Variants in WDR17 observed in about 807,000 individuals in gnomAD.
WDR17 encodes the protein WD repeat-containing protein 17.
WDR17 carries 143 observed loss-of-function variants against 161.7 expected under a neutral mutation model. The ratio of observed to expected loss-of-function variants is 0.88; its 90% CI spans 0.77 to 1.02. The LOEUF is 1.02. WDR17 is among the 50% of genes least tolerant of loss of function. WDR17 has a pLI of 0.00. For missense variants in WDR17, 1,469 were observed against 1,520.9 expected (o/e 0.97, Z 0.57); for synonymous variants, 517 against 515.6 (o/e 1.00, Z -0.04).
chr4:176,128,827 T>C lies in WDR17; in HGVS notation c.880T>C (p.Leu294=). 1 of 1,592,686 alleles carries C rather than the reference T, an allele frequency of 6.3e-7. No individual in the cohort carries two copies. Among genetic ancestry groups the C allele is most frequent in the Non-Finnish European group, 8.5e-7 (1 of 1,171,858 alleles). ...ATTAAAGAAAACAGGATTTCACTGC[T>C]TACATGTACTTAATTCTCCTCCAAG... ...LKLKKTGFHC[L]HVLNSPPRKK... The change falls in exon 6 of 29, where the codon TTA becomes CTA. Residue 294 remains leucine (L), a synonymous_variant. Transcript: ENST00000508596.
chr4:176,100,994 T>C (rs748046508), intron 1 of WDR17, among the ~76,000 whole-genome samples: 2 of 152,192 alleles, frequency 1.3e-5, no homozygotes, highest in Admixed American at 1.3e-4. Flanking sequence ...CATAGTCTTG[T>C]AATATAATTT....
intron 1 of WDR17, among the ~76,000 whole-genome samples, chr4:176,101,632 A>G (rs1278743817): frequency 1.3e-5 from 2 of 152,192 alleles, no homozygotes; most frequent in African/African-American, 4.8e-5. Context: ...GACTTACTAT[A>G]TAGCTCCAAT....
At chr4:176,098,931 A>C (rs1048714934) in intron 1 of WDR17, among the ~76,000 whole-genome samples, 3 of 152,038 alleles carry the variant, frequency 2.0e-5, no homozygotes, top group Non-Finnish European at 4.4e-5. Flanking sequence ...AAGACCTGTA[A>C]AAGCTATTTA....
intron 1 of WDR17, among the ~76,000 whole-genome samples, chr4:176,075,832 A>G (rs1264332826): frequency 6.6e-6 from 1 of 151,910 alleles, no homozygotes; most frequent in Non-Finnish European, 1.5e-5. Flanking sequence ...AAAAGAAATT[A>G]GCCAGGAGTG....
chr4:176,111,391 TTGA>T, intron 1 of WDR17, 181 bp from the exon 2 acceptor site: 1 of 440,198 alleles, frequency 2.3e-6, no homozygotes, highest in Non-Finnish European at 3.7e-6. Flanking sequence ...ATTAGTTGCC[TTGA>T]TGTCTGCAGA....
At chr4:176,122,867 G>A (rs1250611746) in intron 4 of WDR17, among the ~76,000 whole-genome samples, 2 of 152,110 alleles carry the variant, frequency 1.3e-5, no homozygotes, top group African/African-American at 4.8e-5. Context: ...TGCTTTCTAT[G>A]TTTGTATACT....
At chr4:176,106,023 G>A (rs899096931) in intron 1 of WDR17, among the ~76,000 whole-genome samples, 4 of 151,900 alleles carry the variant, frequency 2.6e-5, no homozygotes, top group African/African-American at 7.2e-5. Context: ...AATTAAAAAC[G>A]TTATAAGATA....
At chr4:176,166,760 T>A (rs1468755032) in intron 22 of WDR17, among the ~76,000 whole-genome samples, 1 of 152,156 alleles carries the variant, frequency 6.6e-6, no homozygotes, top group African/African-American at 2.4e-5. Flanking sequence ...ACACATGACA[T>A]CATTCATGCA....
chr4:176,127,459 C>T (rs143529893), intron 5 of WDR17, among the ~76,000 whole-genome samples: 2,807 of 151,978 alleles, frequency 0.018, 53 homozygotes, highest in Non-Finnish European at 0.026. Flanking sequence ...CCATACCTGG[C>T]TAATTTTTCT....
chr4:176,089,126 C>A (rs1463633894), intron 1 of WDR17, among the ~76,000 whole-genome samples: 1 of 151,954 alleles, frequency 6.6e-6, no homozygotes, highest in African/African-American at 2.4e-5. Context: ...TATGTAATTT[C>A]TTTTTATTTA....
At chr4:176,135,441 G>A in intron 8 of WDR17, 165 bp downstream of exon 8, 3 of 753,578 alleles carry the variant, frequency 4.0e-6, no homozygotes, top group Non-Finnish European at 6.3e-6. Context: ...GGTTTAAGAA[G>A]AGTCTATCTG....
At position 176,159,991 on chromosome 4, in the gene WDR17, T is replaced by C. The variant is rs1178264641; in HGVS notation, c.2526-3T>C. The C allele has an allele frequency of 6.3e-7, 1 of 1,590,996 alleles. No homozygotes were observed. The highest frequency in any genetic ancestry group is 8.6e-7 in the Non-Finnish European group (1 of 1,165,348). On this transcript the variant is annotated splice_polypyrimidine_tract_variant and splice_region_variant and intron_variant, in intron 18 of 28. Transcript: ENST00000508596. ...GTTTAAAAAACTGTCCTTATTTTATTAGGAGAGCTGACCAATTAATCCAGG... is the reference window on the plus strand; with the variant it reads ...GTTTAAAAAACTGTCCTTATTTTATCAGGAGAGCTGACCAATTAATCCAGG...
chr4:176,169,358 G>GTA (rs1024860722), intron 23 of WDR17, among the ~76,000 whole-genome samples: 3 of 152,008 alleles, frequency 2.0e-5, no homozygotes, highest in Non-Finnish European at 4.4e-5. Flanking sequence ...TTAAATTACA[G>GTA]TACTTTTCTA....
At chr4:176,087,295 C>G (rs560929317) in intron 1 of WDR17, among the ~76,000 whole-genome samples, 193 of 151,978 alleles carry the variant, frequency 1.3e-3, no homozygotes, top group African/African-American at 4.2e-3. Flanking sequence ...CATATTCTTC[C>G]ATTTTTAAAT....
chr4:176,172,302 A>G, intron 23 of WDR17, 73 bp from the exon 24 acceptor site: 1 of 1,390,486 alleles, frequency 7.2e-7, no homozygotes, highest in Non-Finnish European at 9.9e-7. Flanking sequence ...AGCTGAAAGT[A>G]TTTTGTACTT....
chr4:176,069,759 G>A (rs1006008670), intron 1 of WDR17, among the ~76,000 whole-genome samples: 2 of 151,864 alleles, frequency 1.3e-5, no homozygotes, highest in Non-Finnish European at 2.9e-5. Context: ...CTTTCAAATC[G>A]GAAAGTAGAA....
intron 8 of WDR17, among the ~76,000 whole-genome samples, chr4:176,136,246 C>T (rs1183060594): frequency 1.3e-5 from 2 of 151,584 alleles, no homozygotes; most frequent in Non-Finnish European, 3.0e-5. Context: ...CAATGTTTGT[C>T]CTTTAAGCAG....
intron 5 of WDR17, among the ~76,000 whole-genome samples, chr4:176,125,674 A>G (rs1173545785): frequency 6.6e-6 from 1 of 152,240 alleles, no homozygotes; most frequent in Non-Finnish European, 1.5e-5. Flanking sequence ...CAGGCATAGT[A>G]GGATGACAGT....
intron 1 of WDR17, among the ~76,000 whole-genome samples, chr4:176,079,109 G>C (rs1734428820): frequency 6.6e-6 from 1 of 152,108 alleles, no homozygotes; most frequent in South Asian, 2.1e-4. Flanking sequence ...TTCTGCATAA[G>C]AGTGAGAACA....
Sources: allele counts gnomAD v4.1 joint callset (sites outside exome capture counted in the v4.1 genomes callset), GRCh38; gene constraint gnomAD v4.1.1; transcripts MANE v1.5; gene names NCBI Gene and HGNC (gene_info 2026-07-23, HGNC 2026-07-21).